Variants in GRM1 observed in about 807,000 individuals in gnomAD.
GRM1 encodes the protein metabotropic glutamate receptor 1.
In GRM1, 33 loss-of-function variants were observed where a neutral mutation model predicts 90.9. The ratio of observed to expected loss-of-function variants is 0.36; its 90% confidence interval spans 0.28 to 0.49. The LOEUF is 0.49. Ranked by LOEUF, GRM1 falls within the 20% of genes least tolerant of loss-of-function variation. The pLI is 0.99. For synonymous variants in GRM1, 700 were observed against 613.2 expected, an observed-to-expected ratio of 1.14 and a Z score of -2.09; for missense variants, 1,190 against 1,534.3, an observed-to-expected ratio of 0.78 and a Z score of 3.75.
intron 1 of GRM1, among the ~76,000 whole-genome samples, chr6:146,080,303 C>T (rs918143298): frequency 1.3e-5 from 2 of 152,138 alleles, no homozygotes; most frequent in African/African-American, 4.8e-5. Context: ...ATATTACTTT[C>T]CTCTTTTTTC....
At chr6:146,084,365 C>A (rs190570225) in intron 1 of GRM1, among the ~76,000 whole-genome samples, 2 of 151,706 alleles carry the variant, frequency 1.3e-5, no homozygotes, top group Admixed American at 1.3e-4. Context: ...CTTTCTGATG[C>A]GGGCATTGAG....
At chr6:146,235,468 A>G (rs557604234) in intron 2 of GRM1, among the ~76,000 whole-genome samples, 6 of 152,246 alleles carry the variant, frequency 3.9e-5, no homozygotes, top group Non-Finnish European at 8.8e-5. Context: ...ATTCTCTGCC[A>G]TAATACCCTC....
chr6:146,389,761 G>A (rs532328294), intron 6 of GRM1, among the ~76,000 whole-genome samples: 14 of 152,202 alleles, frequency 9.2e-5, no homozygotes, highest in Admixed American at 8.5e-4. Flanking sequence ...CATATATTCA[G>A]ATGATTTTGC....
intron 7 of GRM1, among the ~76,000 whole-genome samples, chr6:146,408,670 C>G (rs547541151): frequency 6.6e-6 from 1 of 152,096 alleles, no homozygotes; most frequent in East Asian, 1.9e-4. Flanking sequence ...TATATTCGTG[C>G]TATAAAAAAT....
At chr6:146,370,728 A>G (rs1183109843) in intron 5 of GRM1, among the ~76,000 whole-genome samples, 6 of 151,988 alleles carry the variant, frequency 3.9e-5, no homozygotes, top group African/African-American at 1.4e-4. Flanking sequence ...TGATACTGGG[A>G]AGAGCCTAAT....
At chr6:146,308,149 A>G (rs753314434) in intron 3 of GRM1, among the ~76,000 whole-genome samples, 79 of 152,308 alleles carry the variant, frequency 5.2e-4, no homozygotes, top group Non-Finnish European at 7.6e-4. Flanking sequence ...TCCTGATGAG[A>G]CTTATTAGAA....
intron 5 of GRM1, among the ~76,000 whole-genome samples, chr6:146,358,990 C>T (rs1358972307): frequency 6.6e-6 from 1 of 152,136 alleles, no homozygotes; most frequent in Non-Finnish European, 1.5e-5. Context: ...GTACTGGAGG[C>T]CTCATGCCAT....
chr6:146,424,321 G>T (rs910788076), intron 7 of GRM1, among the ~76,000 whole-genome samples: 3 of 152,208 alleles, frequency 2.0e-5, no homozygotes. Context: ...CCCTGATCTT[G>T]TCGGGACTTA....
chr6:146,243,786 A>G (rs766565973), intron 2 of GRM1, among the ~76,000 whole-genome samples: 1 of 152,098 alleles, frequency 6.6e-6, no homozygotes, highest in Non-Finnish European at 1.5e-5. Context: ...TTAGGTGGGA[A>G]TGTCCTCATC....
chr6:146,063,598 G>C (rs1032319136), intron 1 of GRM1, among the ~76,000 whole-genome samples: 9 of 151,708 alleles, frequency 5.9e-5, no homozygotes, highest in African/African-American at 2.2e-4. Flanking sequence ...AATTTCATTT[G>C]TTTGCTTTTC....
At chr6:146,192,350 G>A (rs1286975878) in intron 2 of GRM1, among the ~76,000 whole-genome samples, 3 of 151,700 alleles carry the variant, frequency 2.0e-5, no homozygotes, top group Admixed American at 6.6e-5. Flanking sequence ...TGTTACCCTG[G>A]TTAAAGAAGC....
intron 7 of GRM1, among the ~76,000 whole-genome samples, chr6:146,429,442 A>G (rs915423511): frequency 6.6e-5 from 10 of 152,178 alleles, no homozygotes; most frequent in Non-Finnish European, 1.2e-4. Flanking sequence ...AGTCCTTTGT[A>G]TTGATGACAA....
chr6:146,248,361 C>A (rs924438720), intron 2 of GRM1, among the ~76,000 whole-genome samples: 2 of 152,146 alleles, frequency 1.3e-5, no homozygotes, highest in African/African-American at 2.4e-5. Flanking sequence ...TTGTAATGTC[C>A]ATTTATCGAG....
At chr6:146,327,271 A>G (rs1784427360) in intron 3 of GRM1, among the ~76,000 whole-genome samples, 1 of 152,182 alleles carries the variant, frequency 6.6e-6, no homozygotes. Flanking sequence ...GAAAGTTTGT[A>G]TAATAAGGGT....
intron 7 of GRM1, among the ~76,000 whole-genome samples, chr6:146,414,377 T>TTTATTATTATCA (rs1554312440): frequency 6.9e-6 from 1 of 145,344 alleles, no homozygotes; most frequent in Non-Finnish European, 1.5e-5. Context: ...CCGTTTGCCT[T>TTTATTATTATCA]TTATTATTAT....
At chr6:146,413,069 A>G (rs1777627184) in intron 7 of GRM1, among the ~76,000 whole-genome samples, 1 of 152,258 alleles carries the variant, frequency 6.6e-6, no homozygotes, top group Middle Eastern at 3.4e-3. Flanking sequence ...TCTCAGGAAA[A>G]GTTCATGGGA....
In GRM1 at chr6:146,159,250, G is replaced by A. The variant is rs1025851330; in HGVS notation, c.701-98G>A. ...TATTTACAAATTATTTGGCAAGTCC[G>A]TTCTCTCCATTCCTGTGACTAACAA... On this transcript the variant is annotated intron_variant, in intron 1 of 7. Transcript: ENST00000282753. The A allele has an allele frequency of 1.8e-4, 265 of 1,450,876 alleles. 1 individual carries two copies. Among genetic ancestry groups the A allele is most frequent in the Middle Eastern group, 2.0e-4 (1 of 4,926 alleles). The allele number at this position is 1,450,876 out of a possible 1,614,324, so 89.9% of individuals were successfully genotyped here.
chr6:146,163,646 A>G (rs1388301640), intron 2 of GRM1, among the ~76,000 whole-genome samples: 1 of 152,194 alleles, frequency 6.6e-6, no homozygotes, highest in African/African-American at 2.4e-5. Context: ...TAAGAGTTCT[A>G]GATTTACCAT....
chr6:146,172,472 G>A (rs187089779), intron 2 of GRM1, among the ~76,000 whole-genome samples: 1 of 152,288 alleles, frequency 6.6e-6, no homozygotes, highest in Admixed American at 6.5e-5. Context: ...TTTGAGCATG[G>A]ACATCTTTGA....
Sources: allele counts gnomAD v4.1 joint callset (sites outside exome capture counted in the v4.1 genomes callset), GRCh38; gene constraint gnomAD v4.1.1; transcripts MANE v1.5; gene names NCBI Gene and HGNC (gene_info 2026-07-23, HGNC 2026-07-21).